The following INPP4B variants were observed in gnomAD, a reference collection of about 807,000 sequenced individuals.
INPP4B encodes the protein inositol polyphosphate 4-phosphatase type II.
INPP4B carries 55 observed loss-of-function variants against 122.5 expected under a neutral mutation model. The observed-to-expected ratio is 0.45, with a 90% confidence interval of 0.36 to 0.56. The LOEUF (loss-of-function observed/expected upper bound fraction) is 0.56, where lower values mean the gene tolerates loss of function less well. INPP4B is among the 20% of genes least tolerant of loss of function. INPP4B has a pLI of 0.00. For synonymous variants in INPP4B, 403 were observed against 388.7 expected, an observed-to-expected ratio of 1.04 and a Z score of -0.43; for missense variants, 1,000 against 1,097.7, an observed-to-expected ratio of 0.91 and a Z score of 1.26.
chr4:142,459,661 A>C (rs1273505343), intron 3 of INPP4B, among the ~76,000 whole-genome samples: 1 of 152,158 alleles, frequency 6.6e-6, no homozygotes, highest in Admixed American at 6.5e-5. Flanking sequence ...ATGAATGAAA[A>C]AAATCACAGA....
intron 2 of INPP4B, among the ~76,000 whole-genome samples, chr4:142,519,618 T>C (rs1045817176): frequency 3.9e-5 from 6 of 152,112 alleles, no homozygotes; most frequent in African/African-American, 1.4e-4. Flanking sequence ...CAGCAGAAAA[T>C]TTTTACACAA....
intron 2 of INPP4B, among the ~76,000 whole-genome samples, chr4:142,673,690 C>A (rs1336759805): frequency 6.6e-6 from 1 of 152,062 alleles, no homozygotes; most frequent in Non-Finnish European, 1.5e-5. Flanking sequence ...TGAGTGTAAA[C>A]CAGAATGAAC....
In INPP4B at chr4:142,273,104, T is replaced by C. The variant is rs184715037; in HGVS notation, c.504-2330A>G. Among the ~76,000 whole-genome samples, 203 of 152,154 alleles carry C rather than the reference T, an allele frequency of 1.3e-3. 1 individual carries two copies. Among genetic ancestry groups the C allele is most frequent in the Middle Eastern group, 6.8e-3 (2 of 294 alleles). On this transcript the variant is annotated intron_variant, in intron 9 of 25. Transcript: ENST00000262992. ...TGACTTTGGGCAAGTCATTTACCCATGTGAATCTTTGATTTTCTTATTTGT... is the reference window on the plus strand; with the variant it reads ...TGACTTTGGGCAAGTCATTTACCCACGTGAATCTTTGATTTTCTTATTTGT...
intron 25 of INPP4B, among the ~76,000 whole-genome samples, chr4:142,070,256 A>G (rs1766351894): frequency 1.3e-5 from 2 of 152,116 alleles, no homozygotes; most frequent in Admixed American, 1.3e-4. Context: ...TCTCAATAGA[A>G]GCATAAAATG....
chr4:142,226,308 G>T (rs1851561405), intron 12 of INPP4B, among the ~76,000 whole-genome samples: 1 of 151,958 alleles, frequency 6.6e-6, no homozygotes. Flanking sequence ...ATAAACTGTT[G>T]CTGTTGCTGT....
At chr4:142,150,344 G>A (rs1222278323) in intron 17 of INPP4B, among the ~76,000 whole-genome samples, 1 of 152,214 alleles carries the variant, frequency 6.6e-6, no homozygotes, top group East Asian at 1.9e-4. Context: ...TGCCACATGA[G>A]AGGATTAAAA....
intron 21 of INPP4B, among the ~76,000 whole-genome samples, chr4:142,120,239 A>G (rs1796003281): frequency 6.6e-6 from 1 of 152,078 alleles, no homozygotes; most frequent in Non-Finnish European, 1.5e-5. Flanking sequence ...TGTCTTGATT[A>G]TTATAGTTTT....
chr4:142,533,475 T>C (rs1827852247), intron 2 of INPP4B, among the ~76,000 whole-genome samples: 1 of 152,092 alleles, frequency 6.6e-6, no homozygotes, highest in Non-Finnish European at 1.5e-5. Flanking sequence ...TTATTTTTTT[T>C]TTAAAAATAA....
At chr4:142,429,033 C>T (rs1001586252) in intron 5 of INPP4B, 140 bp downstream of exon 5, 6 of 560,734 alleles carry the variant, frequency 1.1e-5, no homozygotes, top group Non-Finnish European at 1.9e-5. Flanking sequence ...TAACACCTAC[C>T]TTATAGAACA....
intron 5 of INPP4B, among the ~76,000 whole-genome samples, chr4:142,408,625 T>G (rs1017822693): frequency 6.6e-6 from 1 of 152,178 alleles, no homozygotes; most frequent in Non-Finnish European, 1.5e-5. Context: ...ATAATTCTAC[T>G]CTAGGAGTGG....
rs577988206 is a variant in INPP4B at position 142,152,969 on chromosome 4, TA to T, written c.1564-6974del. Among the ~76,000 whole-genome samples the T allele has an allele frequency of 3.6e-3, 552 of 151,704 alleles. 3 individuals are homozygous for T. The highest frequency in any genetic ancestry group is 6.2e-3 in the Non-Finnish European group (421 of 67,828). ...GACTTACTAATCTGTTATTTGGTAGTAAAAAAAAACTATACTATAAGAAGTT... is the reference window on the plus strand; with the variant it reads ...GACTTACTAATCTGTTATTTGGTAGTAAAAAAAACTATACTATAAGAAGTT... On this transcript the variant is annotated intron_variant, in intron 17 of 25. Transcript: ENST00000262992.
At chr4:142,281,164 C>G (rs1751022044) in intron 9 of INPP4B, among the ~76,000 whole-genome samples, 1 of 151,160 alleles carries the variant, frequency 6.6e-6, no homozygotes, top group Admixed American at 6.6e-5. Flanking sequence ...GAGTGCTACA[C>G]CTTTTAAACA....
Position 142,553,431 on chromosome 4 carries a change from G to A in INPP4B, c.-190-90705C>T, listed in dbSNP as rs1728436862. ...CTTCCACAAAGCAGCTTGTAGAAAAGATTGCTTTCTATGCCCTTTCATATC... is the reference window on the plus strand; with the variant it reads ...CTTCCACAAAGCAGCTTGTAGAAAAAATTGCTTTCTATGCCCTTTCATATC... On this transcript the variant is annotated intron_variant, in intron 2 of 25. Coordinates refer to ENST00000262992, the MANE Select transcript of INPP4B (RefSeq NM_001101669.3). 3.3e-5 allele frequency among the ~76,000 whole-genome samples: 5 copies of A among 152,274 alleles called. No individual in the cohort carries two copies. The South Asian group carries it at 1.0e-3, about 32-fold the overall frequency.
chr4:142,221,360 A>G (rs1849285141), intron 12 of INPP4B, among the ~76,000 whole-genome samples: 1 of 139,528 alleles, frequency 7.2e-6, no homozygotes, highest in South Asian at 2.5e-4. Flanking sequence ...ACTGCACTCC[A>G]GCCTGGGTGA....
intron 2 of INPP4B, among the ~76,000 whole-genome samples, chr4:142,513,009 A>G (rs1028337164): frequency 6.6e-6 from 1 of 152,232 alleles, no homozygotes; most frequent in Non-Finnish European, 1.5e-5. Context: ...TTTTCACATC[A>G]TATATTAAGA....
intron 3 of INPP4B, among the ~76,000 whole-genome samples, chr4:142,444,669 A>G (rs1812525174): frequency 6.6e-6 from 1 of 152,014 alleles, no homozygotes; most frequent in East Asian, 1.9e-4. Context: ...TATATACCCA[A>G]AGGATTATAA....
chr4:142,612,343 G>A (rs1742727176), intron 2 of INPP4B, among the ~76,000 whole-genome samples: 1 of 152,160 alleles, frequency 6.6e-6, no homozygotes, highest in Non-Finnish European at 1.5e-5. Flanking sequence ...AAAGTAATTA[G>A]GCCTCGCAAT....
chr4:142,290,979 T>TCTCAAA (rs1756231448), intron 9 of INPP4B, among the ~76,000 whole-genome samples: 1 of 152,148 alleles, frequency 6.6e-6, no homozygotes, highest in Non-Finnish European at 1.5e-5. Context: ...TATTATTATT[T>TCTCAAA]TTAAATCTCA....
At position 142,663,907 on chromosome 4, in the gene INPP4B, A is replaced by C. The variant is rs143963072; in HGVS notation, c.-191+61932T>G. On this transcript the variant is annotated intron_variant, in intron 2 of 25. Transcript: ENST00000262992. The stretch of plus-strand genomic sequence containing the variant: ...AGAAACTCAAGATGTATTTTTAAAA[A>C]ATGTTTGCTTAAATGAAGTAATTAC... 5.7e-3 allele frequency among the ~76,000 whole-genome samples: 865 copies of C among 152,314 alleles called. 15 individuals carry two copies. Among genetic ancestry groups the C allele is most frequent in the African/African-American group, 0.02 (828 of 41,574 alleles).
Sources: gnomAD v4.1 joint callset for allele counts (sites outside exome capture counted in the v4.1 genomes callset) on GRCh38, gnomAD v4.1.1 for gene constraint, MANE v1.5 for transcripts, NCBI Gene and HGNC (gene_info 2026-07-23, HGNC 2026-07-21) for gene names.